TMCC1: variants seen among roughly 807,000 people sequenced by gnomAD.
TMCC1 encodes the protein transmembrane and coiled-coil domain family 1.
Under a neutral mutation model 52.4 loss-of-function variants are expected in TMCC1, and 15 were observed. That is an observed-to-expected ratio of 0.29 (90% CI 0.19 to 0.44). The LOEUF (loss-of-function observed/expected upper bound fraction) is 0.44. TMCC1 is among the 20% of genes least tolerant of loss of function. TMCC1 has a pLI of 1.00. For synonymous variants in TMCC1, 279 were observed against 301.9 expected (o/e 0.92, Z 0.79); for missense variants, 503 against 806.0 (o/e 0.62, Z 4.55).
intron 4 of TMCC1, among the ~76,000 whole-genome samples, chr3:129,735,199 CCT>C (rs1488294501): frequency 6.6e-6 from 1 of 152,126 alleles, no homozygotes; most frequent in African/African-American, 2.4e-5. Flanking sequence ...CTGCACCCAG[CCT>C]CTGTTTGAAA....
chr3:129,768,744 GCA>G lies in TMCC1; in HGVS notation c.576+59057_576+59058del, dbSNP rs1374615357. On this transcript the variant is annotated intron_variant, in intron 4 of 6. Transcript: ENST00000393238. ...TCTTATATTTAGAAGAGCCAGACAG[GCA>G]CAGTTTCTTCATCTGTAAAATAAAG... Among the ~76,000 whole-genome samples, 19 of 152,294 alleles carry G rather than the reference GCA, an allele frequency of 1.2e-4. No homozygotes were observed. In the South Asian group the frequency reaches 2.9e-3, roughly 23 times the overall value.
chr3:129,855,308 T>C (rs1329281917), intron 2 of TMCC1, among the ~76,000 whole-genome samples: 2 of 151,834 alleles, frequency 1.3e-5, no homozygotes, highest in African/African-American at 2.4e-5. Context: ...CCTCATTGAG[T>C]TTTTCTTAAT....
At chr3:129,735,488 A>G (rs2050878971) in intron 4 of TMCC1, among the ~76,000 whole-genome samples, 2 of 151,852 alleles carry the variant, frequency 1.3e-5, no homozygotes, top group Admixed American at 1.3e-4. Flanking sequence ...ACAAAAAAGG[A>G]AAAAGAAAAA....
chr3:129,785,712 G>A (rs2055969031), intron 4 of TMCC1, among the ~76,000 whole-genome samples: 1 of 151,988 alleles, frequency 6.6e-6, no homozygotes. Context: ...GTTTATTAAG[G>A]CTTTCCAGCT....
intron 4 of TMCC1, among the ~76,000 whole-genome samples, chr3:129,759,256 T>G (rs961048864): frequency 6.6e-6 from 1 of 151,850 alleles, no homozygotes; most frequent in Non-Finnish European, 1.5e-5. Flanking sequence ...CTTACACTTG[T>G]GTAATTCATG....
chr3:129,834,481 T>A (rs1449494593), intron 2 of TMCC1, among the ~76,000 whole-genome samples: 1 of 152,112 alleles, frequency 6.6e-6, no homozygotes, highest in East Asian at 1.9e-4. Flanking sequence ...AATTTACAGT[T>A]GAAAAACCTA....
chr3:129,679,618 T>C lies in TMCC1; in HGVS notation c.577-8354A>G, dbSNP rs575111192. ...CACGCCTGGCCTGCCTTATTTAAAATTGCAAATTTTGGTTCCATTATGAAC... is the reference window on the plus strand; with the variant it reads ...CACGCCTGGCCTGCCTTATTTAAAACTGCAAATTTTGGTTCCATTATGAAC... On this transcript the variant is annotated intron_variant, in intron 4 of 6. Coordinates refer to ENST00000393238, the MANE Select transcript of TMCC1 (RefSeq NM_001017395.5). Among the ~76,000 whole-genome samples the C allele has an allele frequency of 7.9e-5, 12 of 152,294 alleles. No homozygotes were observed. The South Asian group carries it at 1.4e-3, about 18-fold the overall frequency.
chr3:129,861,967 C>T (rs1021695361), intron 2 of TMCC1, among the ~76,000 whole-genome samples: 1 of 152,138 alleles, frequency 6.6e-6, no homozygotes, highest in Admixed American at 6.5e-5. Flanking sequence ...TGTTCATCAA[C>T]TGATGAAAAG....
chr3:129,854,399 A>C (rs1307080111), intron 2 of TMCC1, among the ~76,000 whole-genome samples: 1 of 274 alleles, frequency 3.6e-3, no homozygotes, highest in Non-Finnish European at 0.05. Context: ...AAAAAAAAAG[A>C]AAAAAAAAAA....
chr3:129,832,739 T>G (rs541842808), intron 3 of TMCC1, 35 bp downstream of exon 3: 1 of 152,356 alleles, frequency 6.6e-6, no homozygotes, highest in South Asian at 2.1e-4. Context: ...TGAACCAAGT[T>G]AAATTTCACT....
In TMCC1 at chr3:129,742,344, C is replaced by A. The variant is rs572600287; in HGVS notation, c.577-71080G>T. 3.9e-5 allele frequency among the ~76,000 whole-genome samples: 6 copies of A among 152,108 alleles called. No individual in the cohort carries two copies. In the South Asian group the frequency reaches 1.2e-3, roughly 32 times the overall value. On this transcript the variant is annotated intron_variant, in intron 4 of 6. Transcript: ENST00000393238. ...ATACATCTGATAAGGAACTTGTACA[C>A]AGAATATATAAAAAATTATAAGTCA...
intron 4 of TMCC1, among the ~76,000 whole-genome samples, chr3:129,800,273 T>C (rs1049772932): frequency 2.0e-5 from 3 of 152,210 alleles, no homozygotes; most frequent in African/African-American, 7.2e-5. Flanking sequence ...TTTTTCTCTA[T>C]TATAAATCTG....
At chr3:129,682,390 A>G (rs779827709) in intron 4 of TMCC1, among the ~76,000 whole-genome samples, 9 of 152,232 alleles carry the variant, frequency 5.9e-5, no homozygotes, top group Non-Finnish European at 1.3e-4. Flanking sequence ...AATGTTAAAT[A>G]TAACAATTAA....
At position 129,690,457 on chromosome 3, in the gene TMCC1, A is replaced by G. The variant is rs1443668832; in HGVS notation, c.577-19193T>C. Among the ~76,000 whole-genome samples the G allele has an allele frequency of 2.0e-5, 3 of 152,292 alleles. No homozygotes were observed. The East Asian group carries it at 5.8e-4, about 29-fold the overall frequency. ...GATTAATGTTTGTTACAATTGTATA[A>G]TTTTAAGTACAATTGTTGGCACTCA... On this transcript the variant is annotated intron_variant, in intron 4 of 6. Transcript: ENST00000393238.
chr3:129,872,416 G>C (rs2060974573), intron 2 of TMCC1, among the ~76,000 whole-genome samples: 1 of 152,124 alleles, frequency 6.6e-6, no homozygotes, highest in Admixed American at 6.6e-5. Context: ...CCAAACCTAT[G>C]CATTTCAGAA....
At chr3:129,687,986 A>G (rs1264848416) in intron 4 of TMCC1, among the ~76,000 whole-genome samples, 1 of 152,214 alleles carries the variant, frequency 6.6e-6, no homozygotes, top group African/African-American at 2.4e-5. Context: ...ACACATGAGA[A>G]AACTTGGATT....
chr3:129,890,065 T>C (rs1434476209), intron 1 of TMCC1, among the ~76,000 whole-genome samples: 2 of 152,072 alleles, frequency 1.3e-5, no homozygotes, highest in African/African-American at 4.8e-5. Flanking sequence ...GCAAGGGGGA[T>C]CACTTGAGGC....
chr3:129,723,506 A>G (rs73866115), intron 4 of TMCC1, among the ~76,000 whole-genome samples: 2,374 of 151,842 alleles, frequency 0.016, 47 homozygotes, highest in African/African-American at 0.055. Flanking sequence ...TTTCCCAAGC[A>G]GTCCAAGGCA....
At chr3:129,706,110 T>G (rs1289087867) in intron 4 of TMCC1, among the ~76,000 whole-genome samples, 24 of 144,542 alleles carry the variant, frequency 1.7e-4, no homozygotes, top group Middle Eastern at 9.0e-3. Context: ...AGGCTGGTCT[T>G]GAACTCTTGA....
Sources: allele counts gnomAD v4.1 joint callset (sites outside exome capture counted in the v4.1 genomes callset), GRCh38; gene constraint gnomAD v4.1.1; transcripts MANE v1.5; gene names NCBI Gene and HGNC (gene_info 2026-07-23, HGNC 2026-07-21).